USH2A: variants seen among roughly 807,000 people sequenced by gnomAD.
USH2A encodes usherin, also known as Usher syndrome 2A (autosomal recessive, mild).
USH2A carries 443 observed loss-of-function variants against 538.9 expected under a neutral mutation model. That is an observed-to-expected ratio of 0.82 (90% CI 0.76 to 0.89). The LOEUF is 0.89. USH2A is among the 40% of genes least tolerant of loss of function. USH2A has a pLI of 0.00. For missense variants in USH2A, 6,633 were observed against 6,324.8 expected (o/e 1.05, Z -1.65); for synonymous variants, 2,413 against 2,273.5 (o/e 1.06, Z -1.75).
At chr1:215,831,985 T>C (rs1229282662) in intron 47 of USH2A, among the ~76,000 whole-genome samples, 1 of 151,986 alleles carries the variant, frequency 6.6e-6, no homozygotes, top group Non-Finnish European at 1.5e-5. Flanking sequence ...TTGCAACAAA[T>C]TGTTGTTTGT....
intron 61 of USH2A, among the ~76,000 whole-genome samples, chr1:215,691,661 C>T (rs1658616613): frequency 6.6e-6 from 1 of 152,126 alleles, no homozygotes; most frequent in Admixed American, 6.5e-5. Flanking sequence ...ATGATTATTG[C>T]TTGTTGTCTG....
chr1:216,217,600 A>G, intron 14 of USH2A, 50 bp from the exon 15 acceptor site: 1 of 1,600,536 alleles, frequency 6.2e-7, no homozygotes, highest in Non-Finnish European at 8.5e-7. Flanking sequence ...TTTGATTAAT[A>G]ATTCATAGTA....
At chr1:215,974,966 C>G (rs1040307037) in intron 35 of USH2A, among the ~76,000 whole-genome samples, 3 of 152,094 alleles carry the variant, frequency 2.0e-5, no homozygotes, top group Non-Finnish European at 4.4e-5. Flanking sequence ...AGTATATAAG[C>G]ATTCAACCCT....
At chr1:215,679,230 C>A (rs1454515053) in intron 62 of USH2A, among the ~76,000 whole-genome samples, 1 of 152,226 alleles carries the variant, frequency 6.6e-6, no homozygotes, top group Non-Finnish European at 1.5e-5. Context: ...TCATCCCTCT[C>A]TTAGGGTTTT....
rs1301139848 is a variant in USH2A, at chr1:215,888,650, C to T, written c.7999G>A (p.Glu2667Lys). The change falls in exon 41 of 72, where the codon GAA becomes AAA. Residue 2667 changes from glutamate to lysine, a missense_variant. Physicochemically the swap from Glu to Lys is moderately conservative, Grantham distance 56. Transcript: ENST00000307340. ...FTIERRVKGK[E>K]EVTTLVTLPR... Reference sequence around the variant, plus strand: ...AGAGTCACCAGGGTAGTAACTTCTTCCTTTCCTTTGACTCTTCTCTCAATT... The same window carrying T: ...AGAGTCACCAGGGTAGTAACTTCTTTCTTTCCTTTGACTCTTCTCTCAATT... 1 of 1,614,150 alleles carries T rather than the reference C, an allele frequency of 6.2e-7. No homozygotes were observed. The highest frequency in any genetic ancestry group is 2.2e-5 in the East Asian group (1 of 44,870).
rs748016323 is a variant in USH2A, at chr1:215,817,175, A to C, written c.9392T>G (p.Val3131Gly). The change falls in exon 48 of 72, where the codon GTG (valine) becomes GGG (glycine). Residue 3131 changes from valine to glycine, a missense_variant. Physicochemically the swap from Val to Gly is moderately radical, Grantham distance 109. Transcript: ENST00000307340. ...ITSRSLQIDWVSPRKPNGIIL... is the reference protein window; with the variant it reads ...ITSRSLQIDWGSPRKPNGIIL... ...GATGCCATTTGGCTTCCGTGGAGAC[A>C]CCCAATCAATTTGAAGAGATCTGCA... The C allele has an allele frequency of 7.4e-6, 12 of 1,612,314 alleles. No individual in the cohort carries two copies. Among genetic ancestry groups the C allele is most frequent in the African/African-American group, 1.3e-5 (1 of 74,934 alleles).
At chr1:216,269,877 C>T (rs114586039) in intron 11 of USH2A, among the ~76,000 whole-genome samples, 352 of 152,168 alleles carry the variant, frequency 2.3e-3, no homozygotes, top group Admixed American at 3.7e-3. Flanking sequence ...TTACTGACAA[C>T]AGAAAAGAGT....
At chr1:216,050,521 C>A (rs376956468) in intron 30 of USH2A, among the ~76,000 whole-genome samples, 49 of 150,524 alleles carry the variant, frequency 3.3e-4, no homozygotes, top group Admixed American at 9.9e-4. Context: ...CATTGCAACT[C>A]AGTTTCTGCC....
intron 21 of USH2A, 135 bp from the exon 22 acceptor site, chr1:216,097,348 A>T (rs2032464924): frequency 6.7e-7 from 1 of 1,490,282 alleles, no homozygotes; most frequent in East Asian, 2.4e-5. Flanking sequence ...ATATACTCGC[A>T]TGGTCTAGGC....
intron 63 of USH2A, among the ~76,000 whole-genome samples, chr1:215,673,024 C>G (rs775017226): frequency 5.9e-5 from 9 of 152,120 alleles, no homozygotes; most frequent in Non-Finnish European, 1.0e-4. Context: ...AAAGAGGAAG[C>G]CAGTCTAGAA....
At chr1:216,402,450 A>C (rs1296896550) in intron 3 of USH2A, among the ~76,000 whole-genome samples, 5 of 152,078 alleles carry the variant, frequency 3.3e-5, no homozygotes, top group Admixed American at 3.3e-4. Context: ...ACTTATATAC[A>C]AATTTTCTTC....
chr1:216,245,628 G>A (rs190535518), intron 13 of USH2A, among the ~76,000 whole-genome samples: 1 of 152,084 alleles, frequency 6.6e-6, no homozygotes, highest in East Asian at 1.9e-4. Flanking sequence ...CTCCATTTAT[G>A]TTTAAACCAG....
intron 61 of USH2A, among the ~76,000 whole-genome samples, chr1:215,710,587 C>A (rs1393041355): frequency 6.6e-6 from 1 of 152,084 alleles, no homozygotes; most frequent in Non-Finnish European, 1.5e-5. Context: ...AAGGGTCCTA[C>A]GGCTCTAGGT....
chr1:216,190,121 G>A, intron 20 of USH2A, 102 bp downstream of exon 20: 1 of 1,496,792 alleles, frequency 6.7e-7, no homozygotes, highest in South Asian at 1.2e-5. Flanking sequence ...AGTGAGGGAG[G>A]AGAAGACAAA....
intron 55 of USH2A, among the ~76,000 whole-genome samples, chr1:215,768,132 A>C (rs1661184143): frequency 6.6e-6 from 1 of 152,158 alleles, no homozygotes; most frequent in African/African-American, 2.4e-5. Flanking sequence ...ATTTTAAAAA[A>C]TTTTGACCAC....
chr1:215,625,237 A>G lies in USH2A; in HGVS notation c.*544T>C, dbSNP rs1358151051. On this transcript the variant is annotated 3_prime_UTR_variant, in exon 72 of 72. Coordinates refer to ENST00000307340, the MANE Select transcript of USH2A (RefSeq NM_206933.4). Reference sequence around the variant, plus strand: ...GTCAAAAAGTTTGGTAAGTAACCCTATGTATGGTAAATAAATAGAACCTTC... The same window carrying G: ...GTCAAAAAGTTTGGTAAGTAACCCTGTGTATGGTAAATAAATAGAACCTTC... 5.9e-6 allele frequency: 1 copy of G among 170,404 alleles called. No individual in the cohort carries two copies. Among genetic ancestry groups the G allele is most frequent in the Non-Finnish European group, 1.3e-5 (1 of 78,848 alleles). 10.6% of individuals were successfully genotyped at this position (170,404 alleles called of 1,614,324 possible).
chr1:216,057,705 C>T lies in USH2A; in HGVS notation c.6050-9058G>A, dbSNP rs151327173. 4.3e-3 allele frequency among the ~76,000 whole-genome samples: 645 copies of T among 151,670 alleles called. 6 individuals carry two copies. Among genetic ancestry groups the T allele is most frequent in the African/African-American group, 0.011 (463 of 41,364 alleles). ...CCATCTCAAATTAAAAAAAAAAGTT[C>T]GTAATAAACTACAAATATTGGAATA... On this transcript the variant is annotated intron_variant, in intron 30 of 71. Transcript: ENST00000307340.
intron 4 of USH2A, among the ~76,000 whole-genome samples, chr1:216,339,672 T>C (rs2038037870): frequency 6.6e-6 from 1 of 151,842 alleles, no homozygotes; most frequent in African/African-American, 2.4e-5. Flanking sequence ...GAGTTAAGAT[T>C]AAAAAACTCA....
intron 13 of USH2A, among the ~76,000 whole-genome samples, chr1:216,234,201 T>C (rs551646628): frequency 5.3e-5 from 8 of 152,282 alleles, no homozygotes; most frequent in Non-Finnish European, 1.0e-4. Flanking sequence ...CATTTTCTTA[T>C]AGTTACCAAC....
Sources: gnomAD v4.1 joint callset for allele counts (sites outside exome capture counted in the v4.1 genomes callset) on GRCh38, gnomAD v4.1.1 for gene constraint, MANE v1.5 for transcripts, NCBI Gene and HGNC (gene_info 2026-07-23, HGNC 2026-07-21) for gene names.